Variants in AGBL1 observed in about 807,000 individuals in gnomAD.
AGBL1 encodes the protein cytosolic carboxypeptidase 4.
AGBL1 carries 130 observed loss-of-function variants against 118.9 expected under a neutral mutation model. That is an observed-to-expected ratio of 1.09 (90% CI 0.95 to 1.26). AGBL1 has a LOEUF of 1.26. AGBL1 is among the 50% of genes most tolerant of loss of function. The pLI is 0.00. For missense variants in AGBL1, 1,584 were observed against 1,298.1 expected, an observed-to-expected ratio of 1.22 and a Z score of -3.38; for synonymous variants, 555 against 478.9, an observed-to-expected ratio of 1.16 and a Z score of -2.08.
intron 21 of AGBL1, among the ~76,000 whole-genome samples, chr15:86,581,063 G>T (rs1407740677): frequency 1.3e-5 from 2 of 152,184 alleles, no homozygotes; most frequent in African/African-American, 4.8e-5. Context: ...GTAGATGAGA[G>T]TTCCAAAAGG....
At chr15:86,197,662 G>C (rs897811223) in intron 5 of AGBL1, among the ~76,000 whole-genome samples, 2 of 152,204 alleles carry the variant, frequency 1.3e-5, no homozygotes, top group Admixed American at 1.3e-4. Context: ...TGAAAATTTA[G>C]TAAATTCTCA....
chr15:86,851,303 T>A (rs899707442), intron 22 of AGBL1, among the ~76,000 whole-genome samples: 4 of 152,164 alleles, frequency 2.6e-5, no homozygotes, highest in Non-Finnish European at 4.4e-5. Context: ...GGGCAGGAAC[T>A]GATTCTAGCT....
intron 1 of AGBL1, among the ~76,000 whole-genome samples, chr15:86,106,668 A>G (rs916894766): frequency 2.0e-5 from 3 of 152,248 alleles, no homozygotes; most frequent in African/African-American, 7.2e-5. Flanking sequence ...AAAGTTGAGA[A>G]CCCCACTCGA....
At chr15:86,257,389 C>T (rs2078913509) in intron 8 of AGBL1, among the ~76,000 whole-genome samples, 1 of 152,114 alleles carries the variant, frequency 6.6e-6, no homozygotes, top group African/African-American at 2.4e-5. Flanking sequence ...TGAAATAAAA[C>T]TCTTGTTATT....
intron 22 of AGBL1, among the ~76,000 whole-genome samples, chr15:86,843,249 G>A (rs2079270359): frequency 6.6e-6 from 1 of 152,136 alleles, no homozygotes; most frequent in African/African-American, 2.4e-5. Context: ...ACTTCACTCA[G>A]CTTTGAGGGC....
At chr15:86,758,668 G>A (rs1410001360) in intron 22 of AGBL1, among the ~76,000 whole-genome samples, 2 of 151,896 alleles carry the variant, frequency 1.3e-5, no homozygotes, top group Non-Finnish European at 2.9e-5. Context: ...ACTCACTTTT[G>A]TTAGAATTTA....
chr15:86,328,419 A>C (rs1455664187), intron 17 of AGBL1, among the ~76,000 whole-genome samples: 1 of 152,208 alleles, frequency 6.6e-6, no homozygotes, highest in East Asian at 1.9e-4. Context: ...TTTCAAATAA[A>C]ACTTAAAAAA....
chr15:86,667,205 TG>T (rs2085660158), intron 21 of AGBL1, among the ~76,000 whole-genome samples: 1 of 44,040 alleles, frequency 2.3e-5, no homozygotes, highest in Non-Finnish European at 8.8e-5. Flanking sequence ...GAGATATCTA[TG>T]TATGTATCTA....
chr15:86,428,078 C>G lies in AGBL1; in HGVS notation c.2555+30532C>G, dbSNP rs748062961. Among the ~76,000 whole-genome samples the G allele has an allele frequency of 8.5e-5, 13 of 152,132 alleles. 1 individual carries two copies. Among genetic ancestry groups the G allele is most frequent in the Non-Finnish European group, 1.9e-4 (13 of 68,026 alleles). On this transcript the variant is annotated intron_variant, in intron 18 of 22. Coordinates refer to ENST00000614907, the MANE Select transcript of AGBL1 (RefSeq NM_001386094.1). ...TGGGTTTAGCCCATGGATGGCTTGT[C>G]TCTTAGACCAGCATGCTTTTCAATT...
chr15:86,331,469 A>G (rs2080267726), intron 17 of AGBL1, among the ~76,000 whole-genome samples: 2 of 152,162 alleles, frequency 1.3e-5, no homozygotes, highest in African/African-American at 4.8e-5. Flanking sequence ...GCAAGATGCT[A>G]CAATGATGAA....
intron 21 of AGBL1, among the ~76,000 whole-genome samples, chr15:86,561,557 C>G (rs564803664): frequency 1.1e-4 from 16 of 152,198 alleles, no homozygotes; most frequent in African/African-American, 3.6e-4. Flanking sequence ...GTTACTGTAG[C>G]CTTGTAGTAT....
rs1429206623 is a variant in AGBL1 at position 86,625,364 on chromosome 15, C to CCT, written c.2995-48909_2995-48908insCT. On this transcript the variant is annotated intron_variant, in intron 21 of 22. Transcript: ENST00000614907. The stretch of plus-strand genomic sequence containing the variant: ...CAGCCTCCAAGGTAGAAGAAATTAG[C>CCT]GTTTTTTTTTTTTTGTTTTTGTTTT... Among the ~76,000 whole-genome samples the CCT allele has an allele frequency of 4.4e-3, 302 of 68,254 alleles. 54 individuals are homozygous for CCT. Among genetic ancestry groups the CCT allele is most frequent in the African/African-American group, 6.1e-3 (123 of 20,026 alleles). The allele number at this position is 68,254 out of a possible 152,430, so 44.8% of individuals were successfully genotyped here. A position where few individuals can be genotyped will look rare whatever the true frequency, so the allele number is the denominator to read the frequency against.
rs1420290777 is a variant in AGBL1 at position 86,961,160 on chromosome 15, T to A, written c.3222-26827T>A. Among the ~76,000 whole-genome samples the A allele has an allele frequency of 2.0e-5, 3 of 152,198 alleles. No individual in the cohort carries two copies. The East Asian group carries it at 5.8e-4, about 30-fold the overall frequency. Reference sequence around the variant, plus strand: ...CATGTTAATTAGCTTGATGTGGTTATCATTTCACAATACGTATGTGTTATC... The same window carrying A: ...CATGTTAATTAGCTTGATGTGGTTAACATTTCACAATACGTATGTGTTATC... On this transcript the variant is annotated intron_variant, in intron 23 of 24. Transcript: ENST00000441037.
At chr15:86,273,547 G>A (rs1266738969) in intron 15 of AGBL1, among the ~76,000 whole-genome samples, 1 of 152,154 alleles carries the variant, frequency 6.6e-6, no homozygotes, top group Admixed American at 6.6e-5. Flanking sequence ...TCTCTCAATT[G>A]TAAAATGATG....
intron 18 of AGBL1, among the ~76,000 whole-genome samples, chr15:86,445,865 G>A (rs542125762): frequency 5.9e-5 from 9 of 152,212 alleles, no homozygotes; most frequent in Non-Finnish European, 1.2e-4. Context: ...CATTGGGGCC[G>A]TGTAAAAGTC....
chr15:86,728,839 C>T (rs1473329734), intron 22 of AGBL1, among the ~76,000 whole-genome samples: 1 of 152,048 alleles, frequency 6.6e-6, no homozygotes, highest in East Asian at 1.9e-4. Flanking sequence ...GGGCCCATTC[C>T]ACCCATTTTC....
rs2079386272 is a variant in AGBL1, at chr15:86,850,181, A to G, written c.3159-56906A>G. ...TTTAGTGGAGCTGAAATGTACTGAT[A>G]ACTGGGCTCAAAAGGGACAGTCATT... On this transcript the variant is annotated intron_variant, in intron 22 of 22. Transcript: ENST00000614907. Among the ~76,000 whole-genome samples the G allele has an allele frequency of 1.3e-5, 2 of 152,160 alleles. 1 individual carries two copies. Among genetic ancestry groups the G allele is most frequent in the Admixed American group, 1.3e-4 (2 of 15,284 alleles).
chr15:86,231,786 C>T (rs1034088474), intron 6 of AGBL1, among the ~76,000 whole-genome samples: 4 of 151,926 alleles, frequency 2.6e-5, no homozygotes, highest in African/African-American at 9.7e-5. Context: ...TGTGCTGAAC[C>T]GAGGAAATTA....
At chr15:86,095,046 G>C (rs186304253) in intron 1 of AGBL1, among the ~76,000 whole-genome samples, 1 of 152,044 alleles carries the variant, frequency 6.6e-6, no homozygotes, top group African/African-American at 2.4e-5. Context: ...ACTCAGGAAA[G>C]CACTTTTATT....
Sources: allele counts gnomAD v4.1 joint callset (sites outside exome capture counted in the v4.1 genomes callset), GRCh38; gene constraint gnomAD v4.1.1; transcripts MANE v1.5; gene names NCBI Gene and HGNC (gene_info 2026-07-23, HGNC 2026-07-21).